Variants in CUX1 observed in about 807,000 individuals in gnomAD.
CUX1 encodes the protein cut like homeobox 1.
In CUX1, 31 loss-of-function variants were observed where a neutral mutation model predicts 158.8. The observed-to-expected ratio is 0.20, with a 90% CI of 0.15 to 0.26. The LOEUF (loss-of-function observed/expected upper bound fraction) is 0.26. Among genes scored for constraint, CUX1 ranks in the 10% least tolerant of loss-of-function variants. CUX1 has a pLI of 1.00. For missense variants in CUX1, 1,589 were observed against 2,014.6 expected (o/e 0.79, Z 4.04); for synonymous variants, 879 against 862.1 (o/e 1.02, Z -0.34).
intron 9 of CUX1, among the ~76,000 whole-genome samples, chr7:102,165,053 C>G (rs563695130): frequency 5.3e-5 from 8 of 151,962 alleles, no homozygotes; most frequent in African/African-American, 1.9e-4. Flanking sequence ...CTTGTTGGTT[C>G]CAGAGGGAGA....
chr7:102,009,432 A>G (rs1441129554), intron 2 of CUX1, among the ~76,000 whole-genome samples: 1 of 152,248 alleles, frequency 6.6e-6, no homozygotes, highest in African/African-American at 2.4e-5. Context: ...TAAGAAGGCC[A>G]AAGAAATTGC....
chr7:102,216,807 C>T lies in CUX1; in HGVS notation c.3131-10560C>T, dbSNP rs202246959. ...ACACACACACTCTCCCACACACACC[C>T]CCACACACACTCTCCCACCACACAC... On this transcript the variant is annotated intron_variant, in intron 20 of 23. Transcript: ENST00000292535. 8.0e-4 allele frequency among the ~76,000 whole-genome samples: 37 copies of T among 46,158 alleles called. 1 individual carries two copies. The highest frequency in any genetic ancestry group is 1.8e-3 in the Admixed American group (5 of 2,810). The allele number at this position is 46,158 out of a possible 152,430, so 30.3% of individuals were successfully genotyped here. A position where few individuals can be genotyped will look rare whatever the true frequency, so the allele number is the denominator to read the frequency against.
intron 1 of CUX1, chr7:101,913,369 C>T: frequency 7.9e-7 from 1 of 1,267,778 alleles, no homozygotes; most frequent in Non-Finnish European, 1.0e-6. Flanking sequence ...GGCCGCAGAC[C>T]CCCGTTGAGT....
chr7:101,817,324 C>G (rs1011220471), upstream of CUX1: 10 of 984,728 alleles, frequency 1.0e-5, no homozygotes, highest in Non-Finnish European at 1.2e-5. The surrounding 1 kb of genome is among the most constrained non-coding windows in gnomAD (Gnocchi z 4.1). Context: ...CTTCTGCCCT[C>G]TCTGCAGGGC....
At chr7:101,854,023 C>T (rs1796544703) in intron 1 of CUX1, among the ~76,000 whole-genome samples, 1 of 152,208 alleles carries the variant, frequency 6.6e-6, no homozygotes, top group African/African-American at 2.4e-5. Context: ...GCGGCTTCGG[C>T]TTTCCAGTGC....
At chr7:102,135,924 A>C (rs1366363422) in intron 8 of CUX1, among the ~76,000 whole-genome samples, 1 of 151,876 alleles carries the variant, frequency 6.6e-6, no homozygotes, top group African/African-American at 2.4e-5. Context: ...CAGTGAGCTG[A>C]GATCACGCCA....
chr7:102,008,372 G>A (rs776001197), intron 2 of CUX1, among the ~76,000 whole-genome samples: 5 of 143,852 alleles, frequency 3.5e-5, no homozygotes, highest in East Asian at 2.0e-4. Flanking sequence ...ACCTCTACTC[G>A]CCCCTCTGTG....
chr7:101,958,844 CTTTTTTTTT>C (rs10667965), intron 2 of CUX1, among the ~76,000 whole-genome samples: 3 of 65,816 alleles, frequency 4.6e-5, no homozygotes, highest in African/African-American at 1.2e-4. Flanking sequence ...AGATGATGCC[CTTTTTTTTT>C]TTTTTTTTTT....
intron 1 of CUX1, among the ~76,000 whole-genome samples, chr7:101,827,244 C>CCTTCCCTTCTCTTCTCTTCT (rs1554381484): frequency 1.5e-5 from 2 of 129,676 alleles, no homozygotes; most frequent in African/African-American, 5.9e-5. Context: ...CCCCTCCCCT[C>CCTTCCCTTCTCTTCTCTTCT]CTTCTCTTCT....
At chr7:102,160,195 G>A (rs1790282800) in intron 9 of CUX1, among the ~76,000 whole-genome samples, 1 of 150,324 alleles carries the variant, frequency 6.7e-6, no homozygotes, top group Non-Finnish European at 1.5e-5. Flanking sequence ...AAAAAAAGCA[G>A]TTACTGGAAG....
intron 4 of CUX1, among the ~76,000 whole-genome samples, chr7:102,071,639 C>T (rs951824725): frequency 9.2e-5 from 14 of 152,128 alleles, no homozygotes; most frequent in Admixed American, 8.5e-4. Context: ...ATTAACAGAG[C>T]GAGGCAGACT....
chr7:101,905,751 A>G (rs1187229027), intron 1 of CUX1, among the ~76,000 whole-genome samples: 1 of 152,220 alleles, frequency 6.6e-6, no homozygotes, highest in African/African-American at 2.4e-5. Context: ...CCCTGTGTAG[A>G]GATTCCTGAA....
At chr7:102,283,182 C>G in exon 23 of CUX1, 1 of 1,073,750 alleles carries the variant, frequency 9.3e-7, no homozygotes, top group Non-Finnish European at 1.4e-6. Context: ...GAAGAATCCC[C>G]CATGGAAACT....
chr7:102,206,496 C>A (rs1185942818), intron 20 of CUX1, among the ~76,000 whole-genome samples: 8 of 152,128 alleles, frequency 5.3e-5, no homozygotes, highest in African/African-American at 1.7e-4. Flanking sequence ...TTAGCCTTGA[C>A]CCCCTGCTCT....
At chr7:102,079,707 T>C (rs1554477919) in intron 4 of CUX1, among the ~76,000 whole-genome samples, 20 of 152,152 alleles carry the variant, frequency 1.3e-4, no homozygotes. Flanking sequence ...AATCCTCAGT[T>C]TGCCTTCATA....
chr7:102,274,322 C>T (rs782207202), intron 16 of CUX1: 5 of 1,611,008 alleles, frequency 3.1e-6, no homozygotes, highest in Non-Finnish European at 3.4e-6. Flanking sequence ...TAAGGAGAGG[C>T]CTGACCCATG....
chr7:102,216,509 TGC>T (rs1170435951), intron 20 of CUX1, among the ~76,000 whole-genome samples: 1 of 122,134 alleles, frequency 8.2e-6, no homozygotes, highest in African/African-American at 3.6e-5. Context: ...CGTGCGTGTG[TGC>T]GCGCACACAC....
intron 1 of CUX1, among the ~76,000 whole-genome samples, chr7:101,821,443 A>G (rs1461572797): frequency 1.3e-5 from 2 of 150,436 alleles, no homozygotes; most frequent in African/African-American, 4.9e-5. Flanking sequence ...GGTTCACACC[A>G]TTCTCCTGCC....
chr7:101,824,788 A>G (rs1176328758), intron 1 of CUX1: 1 of 152,248 alleles, frequency 6.6e-6, no homozygotes, highest in Non-Finnish European at 1.5e-5. Context: ...CTTGGAAGAA[A>G]GATACTATGT....
Sources: gnomAD v4.1 joint callset for allele counts (sites outside exome capture counted in the v4.1 genomes callset) on GRCh38, gnomAD v4.1.1 for gene constraint, Gnocchi (gnomAD v3.1) non-coding constraint, MANE v1.5 for transcripts, NCBI Gene and HGNC (gene_info 2026-07-23, HGNC 2026-07-21) for gene names.